MYT1L: variants seen among roughly 807,000 people sequenced by gnomAD.
MYT1L encodes myelin transcription factor 1 like.
In MYT1L, 12 loss-of-function variants were observed where a neutral mutation model predicts 126.7. The ratio of observed to expected loss-of-function variants is 0.09; its 90% CI spans 0.06 to 0.15. The LOEUF is 0.15. Among genes scored for constraint, MYT1L ranks in the 10% least tolerant of loss-of-function variants. The probability of loss-of-function intolerance (pLI) is 1.00; values close to 1 mark genes in which losing one functional copy is unlikely to be tolerated. For missense variants in MYT1L, 979 were observed against 1,585.2 expected, an observed-to-expected ratio of 0.62 and a Z score of 6.49; for synonymous variants, 541 against 604.2, an observed-to-expected ratio of 0.90 and a Z score of 1.53.
At chr2:1,881,713 G>C (rs568610042) in intron 18 of MYT1L, among the ~76,000 whole-genome samples, 58 of 152,186 alleles carry the variant, frequency 3.8e-4, no homozygotes, top group African/African-American at 1.2e-3. Flanking sequence ...CCACTGGGCG[G>C]GTCTCAGCTC....
At chr2:1,933,968 G>A (rs796907741) in intron 9 of MYT1L, among the ~76,000 whole-genome samples, 3 of 141,680 alleles carry the variant, frequency 2.1e-5, no homozygotes, top group Non-Finnish European at 3.1e-5. Context: ...CTCTAATTTT[G>A]ATTTTTTTTT....
At chr2:2,186,561 G>A (rs1256527492) in intron 2 of MYT1L, among the ~76,000 whole-genome samples, 4 of 152,158 alleles carry the variant, frequency 2.6e-5, no homozygotes, top group Non-Finnish European at 5.9e-5. Flanking sequence ...TCTGCGAGAG[G>A]CATTTGTAAA....
chr2:1,931,361 G>A (rs2054954517), intron 9 of MYT1L, among the ~76,000 whole-genome samples: 2 of 151,302 alleles, frequency 1.3e-5, no homozygotes. Flanking sequence ...CGCCTTGCAA[G>A]TACTTCCTCC....
chr2:1,953,944 T>C (rs1440734942), intron 8 of MYT1L, among the ~76,000 whole-genome samples: 3 of 152,186 alleles, frequency 2.0e-5, no homozygotes, highest in African/African-American at 7.2e-5. Flanking sequence ...ACCAGGGTGC[T>C]CTTTAAGTGA....
intron 1 of MYT1L, among the ~76,000 whole-genome samples, chr2:2,287,171 G>C (rs2095533522): frequency 6.6e-6 from 1 of 152,138 alleles, no homozygotes; most frequent in Non-Finnish European, 1.5e-5. Flanking sequence ...CAGGAGAATA[G>C]CTTGAACCTG....
chr2:2,289,003 G>A (rs2095560758), intron 1 of MYT1L, among the ~76,000 whole-genome samples: 1 of 152,200 alleles, frequency 6.6e-6, no homozygotes, highest in African/African-American at 2.4e-5. Context: ...CCACAGGCTT[G>A]CATGTTAAGT....
Position 1,892,100 on chromosome 2 carries a change from G to C in MYT1L, c.2220C>G (p.Ser740=). The change falls in exon 15 of 25, where the codon TCC becomes TCG. Residue 740 remains serine, a synonymous_variant. Coordinates refer to ENST00000647738, the MANE Select transcript of MYT1L (RefSeq NM_001303052.2). ...TCTGCGGCATCTCGCGGCAGCGCGT[G>C]GACAGGTTGAGGATGGCGGTGGCCG... ...HMAATAILNL[S]TRCREMPQNL... 6.5e-7 allele frequency: 1 copy of C among 1,545,358 alleles called. No homozygotes were observed. Among genetic ancestry groups the C allele is most frequent in the Non-Finnish European group, 8.7e-7 (1 of 1,146,580 alleles).
At chr2:1,863,611 G>A (rs1402461212) in intron 18 of MYT1L, among the ~76,000 whole-genome samples, 2 of 152,088 alleles carry the variant, frequency 1.3e-5, no homozygotes, top group African/African-American at 2.4e-5. Flanking sequence ...CCCAAACCCC[G>A]GAAGGATAGA....
chr2:2,161,136 C>A (rs2087838339), intron 3 of MYT1L, among the ~76,000 whole-genome samples: 1 of 152,072 alleles, frequency 6.6e-6, no homozygotes, highest in Non-Finnish European at 1.5e-5. Flanking sequence ...TTGCTTGAAC[C>A]CGGGAGGCAG....
chr2:2,304,396 G>T (rs2095830719), intron 1 of MYT1L, among the ~76,000 whole-genome samples: 1 of 152,186 alleles, frequency 6.6e-6, no homozygotes, highest in Admixed American at 6.5e-5. Flanking sequence ...GGGCTTAGCA[G>T]GGGAAGAGTA....
intron 3 of MYT1L, among the ~76,000 whole-genome samples, chr2:2,093,491 T>C (rs1046765373): frequency 1.3e-5 from 2 of 152,350 alleles, no homozygotes; most frequent in African/African-American, 4.8e-5. Flanking sequence ...ATGTCTTCTT[T>C]TGAGAAGTGT....
chr2:2,309,042 A>C (rs2095908062), intron 1 of MYT1L, among the ~76,000 whole-genome samples: 2 of 151,746 alleles, frequency 1.3e-5, no homozygotes, highest in Non-Finnish European at 2.9e-5. Context: ...AGTACATTCT[A>C]TGTAGACCTC....
At chr2:2,136,896 A>G in intron 3 of MYT1L, among the ~76,000 whole-genome samples, 1 of 152,210 alleles carries the variant, frequency 6.6e-6, no homozygotes, top group Non-Finnish European at 1.5e-5. Context: ...AGGAAGTCAA[A>G]TTGTCCTTGT....
intron 2 of MYT1L, among the ~76,000 whole-genome samples, chr2:2,283,362 T>G (rs751596486): frequency 1.4e-4 from 21 of 152,214 alleles, no homozygotes; most frequent in Non-Finnish European, 2.9e-4. Context: ...GTTTAAAAAC[T>G]TGGTCTCTCT....
At chr2:1,802,178 G>A (rs140485863) in intron 22 of MYT1L, among the ~76,000 whole-genome samples, 2 of 152,062 alleles carry the variant, frequency 1.3e-5, no homozygotes, top group South Asian at 4.2e-4. Context: ...CTCTCGACTC[G>A]CTGTCTGCAT....
chr2:1,823,998 T>TC (rs35427629), intron 21 of MYT1L, among the ~76,000 whole-genome samples: 35 of 151,466 alleles, frequency 2.3e-4, no homozygotes, highest in Non-Finnish European at 4.1e-4. Flanking sequence ...AGGCCGCGCC[T>TC]CCCCCCCCAG....
chr2:2,096,929 T>G lies in MYT1L; in HGVS notation c.-303-42806A>C, dbSNP rs1422853971. Among the ~76,000 whole-genome samples the G allele has an allele frequency of 2.6e-5, 4 of 152,170 alleles. No individual in the cohort carries two copies. The East Asian group carries it at 7.7e-4, about 29-fold the overall frequency. On this transcript the variant is annotated intron_variant, in intron 3 of 24. Coordinates refer to ENST00000647738, the MANE Select transcript of MYT1L (RefSeq NM_001303052.2). The stretch of plus-strand genomic sequence containing the variant: ...CTGACATGGGAGCATCAGGATAAAG[T>G]GTCGTCTTCACAGTGTGGGCTAGGG...
intron 8 of MYT1L, among the ~76,000 whole-genome samples, chr2:1,962,942 C>T (rs2059075678): frequency 6.6e-6 from 1 of 152,200 alleles, no homozygotes; most frequent in African/African-American, 2.4e-5. Flanking sequence ...TGATCTCCTG[C>T]CATGAATCAC....
chr2:2,137,289 C>T (rs1272569670), intron 3 of MYT1L, among the ~76,000 whole-genome samples: 2 of 152,096 alleles, frequency 1.3e-5, no homozygotes, highest in Non-Finnish European at 2.9e-5. Context: ...GATTCAATGC[C>T]ATCCTCATCA....
Sources: allele counts gnomAD v4.1 joint callset (sites outside exome capture counted in the v4.1 genomes callset), GRCh38; gene constraint gnomAD v4.1.1; transcripts MANE v1.5; gene names NCBI Gene and HGNC (gene_info 2026-07-23, HGNC 2026-07-21).